The following DNMT1 variants were observed in gnomAD, a reference collection of about 807,000 sequenced individuals.
DNMT1 encodes the protein DNA (cytosine-5)-methyltransferase 1.
DNMT1 carries 24 observed loss-of-function variants against 205.3 expected under a neutral mutation model. That is an observed-to-expected ratio of 0.12 (90% CI 0.08 to 0.16). The LOEUF is 0.16. Among genes scored for constraint, DNMT1 ranks in the 10% least tolerant of loss-of-function variants. DNMT1 has a pLI of 1.00. For missense variants in DNMT1, 1,293 were observed against 2,177.7 expected (o/e 0.59, Z 8.09); for synonymous variants, 817 against 839.8 (o/e 0.97, Z 0.47).
chr19:10,160,149 G>A (rs1280081704), intron 14 of DNMT1, 86 bp from the exon 15 acceptor site: 5 of 1,599,520 alleles, frequency 3.1e-6, no homozygotes, highest in African/African-American at 2.7e-5. Flanking sequence ...TCTGCCTGAG[G>A]TGCCTGTGGC....
rs760068813 is a variant in DNMT1 at position 10,194,927 on chromosome 19, G to A, written c.-28C>T. 7 of 1,590,218 alleles carry A rather than the reference G, an allele frequency of 4.4e-6. No homozygotes were observed. Among genetic ancestry groups the A allele is most frequent in the East Asian group, 2.3e-5 (1 of 44,114 alleles). On this transcript the variant is annotated 5_prime_UTR_variant, in exon 1 of 41. Coordinates refer to ENST00000359526, the MANE Select transcript of DNMT1 (RefSeq NM_001130823.3). ...CGGAGGCTTCAGCAGACGCGGCGGCGGCAGCGCAGGCGCCCCGGCTTTTCG... is the reference window on the plus strand; with the variant it reads ...CGGAGGCTTCAGCAGACGCGGCGGCAGCAGCGCAGGCGCCCCGGCTTTTCG...
At chr19:10,155,639 G>A (rs1478954979) in intron 19 of DNMT1, among the ~76,000 whole-genome samples, 3 of 151,968 alleles carry the variant, frequency 2.0e-5, no homozygotes, top group Non-Finnish European at 4.4e-5. Flanking sequence ...CACCATATCC[G>A]GCCAAGACCT....
intron 29 of DNMT1, among the ~76,000 whole-genome samples, chr19:10,143,130 G>A (rs1027021910): frequency 1.3e-5 from 2 of 152,244 alleles, no homozygotes; most frequent in Non-Finnish European, 2.9e-5. Flanking sequence ...ACAGAAAGGA[G>A]GACCTGGGAA....
chr19:10,139,867 A>T, intron 33 of DNMT1, 50 bp from the exon 34 acceptor site: 1 of 1,558,856 alleles, frequency 6.4e-7, no homozygotes, highest in South Asian at 1.2e-5. Flanking sequence ...GACAGAGGGA[A>T]GAAACGACCC....
In DNMT1 at chr19:10,154,401, G is replaced by A. The variant is rs745677290; in HGVS notation, c.1911C>T (p.Thr637=). The change falls in exon 22 of 41, where the codon ACC becomes ACT. Residue 637 remains threonine, a synonymous_variant. Coordinates refer to ENST00000359526, the MANE Select transcript of DNMT1 (RefSeq NM_001130823.3). The surrounding 1 kb of genome is among the most constrained non-coding windows in gnomAD (Gnocchi z 6.3). ...KDRGPTKATT[T]KLVYQIFDTF... ...TATCGAAGATCTGGTAGACCAGCTT[G>A]GTGGTGGTGGCTTTCGTGGGTCCCC... The A allele has an allele frequency of 1.5e-5, 25 of 1,614,126 alleles. No homozygotes were observed. Among genetic ancestry groups the A allele is most frequent in the Non-Finnish European group, 2.1e-5 (25 of 1,180,054 alleles).
At chr19:10,162,770 A>C in intron 12 of DNMT1, 22 bp from the exon 13 acceptor site, 1 of 1,612,810 alleles carries the variant, frequency 6.2e-7, no homozygotes, top group South Asian at 1.1e-5. Context: ...ACAGATACAC[A>C]GCAAGTAGCA....
At position 10,133,647 on chromosome 19, in the gene DNMT1, G is replaced by T; in HGVS notation, c.*20C>A. The T allele has an allele frequency of 6.3e-7, 1 of 1,596,354 alleles. No homozygotes were observed. The highest frequency in any genetic ancestry group is 1.7e-5 in the Admixed American group (1 of 58,040). On this transcript the variant is annotated 3_prime_UTR_variant, in exon 41 of 41. Coordinates refer to ENST00000359526, the MANE Select transcript of DNMT1 (RefSeq NM_001130823.3). The surrounding 1 kb of genome is among the most constrained non-coding windows in gnomAD (Gnocchi z 4.1). ...TTGGGGATTCCTGGTGCCAGAAACA[G>T]GGGTGACGGGAGGGCAGAACTAGTC...
Position 10,194,860 on chromosome 19 carries a change from C to T in DNMT1, c.40G>A (p.Ala14Thr), listed in dbSNP as rs2039375350. ...RTAPARVPTL[A>T]VPAISLPDDV... Reference sequence around the variant, plus strand: ...TCGGGCAGCGAGATGGCCGGGACGGCCAGTGTGGGCACCCGGGCTGGGGCG... The same window carrying T: ...TCGGGCAGCGAGATGGCCGGGACGGTCAGTGTGGGCACCCGGGCTGGGGCG... The change falls in exon 1 of 41, where the codon GCC (alanine) becomes ACC (threonine). Residue 14 changes from alanine (A) to threonine (T), a missense_variant. This residue lies in a region of DNMT1 where 394 missense variants were observed against 451.6 expected (regional missense o/e 0.87). Transcript: ENST00000359526. 1 of 1,611,540 alleles carries T rather than the reference C, an allele frequency of 6.2e-7. No individual in the cohort carries two copies. Among genetic ancestry groups the T allele is most frequent in the Non-Finnish European group, 8.5e-7 (1 of 1,179,188 alleles).
chr19:10,188,488 C>T (rs2039237691), intron 1 of DNMT1, among the ~76,000 whole-genome samples: 1 of 151,566 alleles, frequency 6.6e-6, no homozygotes, highest in Non-Finnish European at 1.5e-5. Context: ...TGCAGTGAGC[C>T]GAGATCATGC....
intron 1 of DNMT1, among the ~76,000 whole-genome samples, chr19:10,190,267 G>A (rs892758561): frequency 2.6e-5 from 4 of 152,164 alleles, no homozygotes. Flanking sequence ...AGGCTGTACA[G>A]GGGAAGAGCT....
rs200585003 is a variant in DNMT1, at chr19:10,149,465, G to A, written c.2574C>T (p.Asn858=). The A allele has an allele frequency of 1.2e-6, 2 of 1,614,184 alleles. No homozygotes were observed. The highest frequency in any genetic ancestry group is 4.5e-5 in the East Asian group (2 of 44,888). ...ACCAGGCACTCACCTCCATGGCCCAGTTTTCGGAGGGGGCTTTGTAGATGA... is the reference window on the plus strand; with the variant it reads ...ACCAGGCACTCACCTCCATGGCCCAATTTTCGGAGGGGGCTTTGTAGATGA... ...VKVIYKAPSE[N]WAMEGGMDPE... is the part of the protein sequence containing the mutation. The change falls in exon 26 of 41, where the codon AAC becomes AAT. Residue 858 remains asparagine (N), a synonymous_variant. Coordinates refer to ENST00000359526, the MANE Select transcript of DNMT1 (RefSeq NM_001130823.3).
chr19:10,182,143 T>C (rs1207497659), intron 1 of DNMT1, 66 bp from the exon 2 acceptor site: 1 of 1,518,686 alleles, frequency 6.6e-7, no homozygotes, highest in Admixed American at 1.7e-5. Context: ...CCTGTAAGAA[T>C]ATCACAGTTC....
chr19:10,175,949 C>T (rs1449994365), intron 6 of DNMT1, among the ~76,000 whole-genome samples: 2 of 152,168 alleles, frequency 1.3e-5, no homozygotes, highest in South Asian at 2.1e-4. Flanking sequence ...ATGAGGATCA[C>T]CTGAGTTCAG....
At chr19:10,144,080 C>T in intron 28 of DNMT1, 93 bp from the exon 29 acceptor site, 1 of 1,272,152 alleles carries the variant, frequency 7.9e-7, no homozygotes, top group Non-Finnish European at 1.1e-6. Context: ...CATTTAAAGT[C>T]AAGCACCTGA....
chr19:10,191,585 A>G (rs947841977), intron 1 of DNMT1, among the ~76,000 whole-genome samples: 1 of 152,192 alleles, frequency 6.6e-6, no homozygotes, highest in Non-Finnish European at 1.5e-5. Flanking sequence ...AGAGCCCCTG[A>G]GCCAGTGGCC....
chr19:10,165,148 A>G (rs2038661704), intron 11 of DNMT1, among the ~76,000 whole-genome samples: 1 of 151,552 alleles, frequency 6.6e-6, no homozygotes, highest in African/African-American at 2.4e-5. Context: ...GTGCCTGCCT[A>G]TAGTCCCAGC....
At chr19:10,150,979 C>T (rs1367577429) in intron 24 of DNMT1, among the ~76,000 whole-genome samples, 1 of 152,182 alleles carries the variant, frequency 6.6e-6, no homozygotes, top group Admixed American at 6.5e-5. Context: ...CCTGTAATCT[C>T]AGCTATTCAG....
At chr19:10,192,365 C>G (rs1254198805) in intron 1 of DNMT1, among the ~76,000 whole-genome samples, 3 of 152,066 alleles carry the variant, frequency 2.0e-5, no homozygotes, top group African/African-American at 7.2e-5. Context: ...TCTCATTTAA[C>G]CCAATACCAG....
At chr19:10,181,680 T>C (rs1046208781) in intron 2 of DNMT1, among the ~76,000 whole-genome samples, 3 of 151,854 alleles carry the variant, frequency 2.0e-5, no homozygotes, top group Non-Finnish European at 4.4e-5. Context: ...AATATAAAAA[T>C]TAGCTGGGCA....
Sources: gnomAD v4.1 joint callset for allele counts (sites outside exome capture counted in the v4.1 genomes callset) on GRCh38, gnomAD v4.1.1 for gene constraint, gnomAD v4.1.1 regional missense constraint, Gnocchi (gnomAD v3.1) non-coding constraint, MANE v1.5 for transcripts, NCBI Gene and HGNC (gene_info 2026-07-23, HGNC 2026-07-21) for gene names.